Variants in OCA2 observed in about 807,000 individuals in gnomAD.
OCA2 encodes P protein.
A neutral mutation model predicts 100.2 loss-of-function variants in OCA2; 77 were observed. The observed-to-expected ratio is 0.77, with a 90% confidence interval of 0.64 to 0.93. OCA2 has a LOEUF of 0.93. OCA2 is among the 40% of genes least tolerant of loss of function. The probability of loss-of-function intolerance (pLI) is 0.00; values close to 1 mark genes in which losing one functional copy is unlikely to be tolerated. For missense variants in OCA2, 1,062 were observed against 1,089.1 expected (o/e 0.98, Z 0.35); for synonymous variants, 432 against 439.2 (o/e 0.98, Z 0.21).
chr15:27,980,063 C>G (rs928605115), intron 14 of OCA2, among the ~76,000 whole-genome samples: 2 of 151,540 alleles, frequency 1.3e-5, no homozygotes, highest in African/African-American at 4.9e-5. Flanking sequence ...TTATTGTTGT[C>G]ATCAATTCTA....
chr15:27,895,658 G>C (rs1161028031), intron 19 of OCA2: 1 of 177,564 alleles, frequency 5.6e-6, no homozygotes. Context: ...TTTCTAAGCA[G>C]GGCAGGTCTC....
the OCA2 span, among the ~76,000 whole-genome samples, chr15:27,730,422 T>G: frequency 6.6e-6 from 1 of 152,134 alleles, no homozygotes; most frequent in African/African-American, 2.4e-5. Flanking sequence ...GCATACCAAC[T>G]GGAAGGTCTG....
intron 19 of OCA2, among the ~76,000 whole-genome samples, chr15:27,910,935 A>C (rs2703933): frequency 3.3e-5 from 5 of 151,906 alleles, no homozygotes; most frequent in Admixed American, 2.6e-4. Context: ...CAGCCTGGGC[A>C]ACAGAGTGAG....
intron 21 of OCA2, among the ~76,000 whole-genome samples, chr15:27,863,994 A>C (rs1279758099): frequency 1.3e-5 from 2 of 152,028 alleles, no homozygotes; most frequent in African/African-American, 4.8e-5. Flanking sequence ...GGTGCCATGG[A>C]GCTGGGGTCT....
intron 19 of OCA2, 69 bp from the exon 20 acceptor site, chr15:27,871,991 T>C (rs765462068): frequency 1.5e-5 from 18 of 1,215,934 alleles, no homozygotes; most frequent in Non-Finnish European, 2.1e-5. Flanking sequence ...AAAAAAAAAG[T>C]CTTGAAAATG....
intron 23 of OCA2, among the ~76,000 whole-genome samples, chr15:27,794,816 T>C (rs2033256272): frequency 6.6e-6 from 1 of 152,224 alleles, no homozygotes; most frequent in South Asian, 2.1e-4. Context: ...TAAAAGGTCA[T>C]GTTTTGGAGG....
intron 23 of OCA2, among the ~76,000 whole-genome samples, chr15:27,838,790 A>T (rs1467839587): frequency 4.6e-5 from 7 of 152,234 alleles, no homozygotes; most frequent in Admixed American, 1.3e-4. Context: ...ATTAGGAAGC[A>T]AAGTGTCTTG....
intron 2 of OCA2, among the ~76,000 whole-genome samples, chr15:28,071,285 A>G (rs1277269535): frequency 6.6e-6 from 1 of 152,236 alleles, no homozygotes; most frequent in Non-Finnish European, 1.5e-5. Context: ...AAATAAATAG[A>G]AAAACATTTC....
intron 23 of OCA2, among the ~76,000 whole-genome samples, chr15:27,823,408 T>C (rs1229789617): frequency 2.6e-5 from 4 of 152,154 alleles, no homozygotes; most frequent in Non-Finnish European, 5.9e-5. Context: ...ATTATAGTGA[T>C]TATGTTATTT....
At chr15:28,094,634 G>T (rs569946000) in intron 1 of OCA2, among the ~76,000 whole-genome samples, 1 of 152,340 alleles carries the variant, frequency 6.6e-6, no homozygotes, top group South Asian at 2.1e-4. Context: ...CAAATCGTTC[G>T]TGTGGGCTAC....
At chr15:27,990,771 G>T (rs568158500) in intron 9 of OCA2, 124 bp from the exon 10 acceptor site, 21 of 851,382 alleles carry the variant, frequency 2.5e-5, no homozygotes, top group Non-Finnish European at 2.0e-6. Context: ...CAAATGATAA[G>T]TCATGGGTCT....
intron 2 of OCA2, among the ~76,000 whole-genome samples, chr15:28,033,307 G>A (rs2042960273): frequency 6.6e-6 from 1 of 152,236 alleles, no homozygotes; most frequent in African/African-American, 2.4e-5. Context: ...GCCAGGTAGA[G>A]ATGCTGTAGA....
chr15:27,844,489 T>G (rs1253947627), intron 23 of OCA2, among the ~76,000 whole-genome samples: 1 of 152,196 alleles, frequency 6.6e-6, no homozygotes, highest in Non-Finnish European at 1.5e-5. Context: ...TGAACCATCC[T>G]CTGTGTTATG....
chr15:27,906,082 G>T (rs2038165927), intron 19 of OCA2, among the ~76,000 whole-genome samples: 1 of 152,184 alleles, frequency 6.6e-6, no homozygotes, highest in Non-Finnish European at 1.5e-5. Flanking sequence ...AATAGGGTTA[G>T]TTAGAAGTAA....
chr15:28,080,919 T>C (rs1236989868), intron 2 of OCA2, among the ~76,000 whole-genome samples: 2 of 152,218 alleles, frequency 1.3e-5, no homozygotes, highest in Admixed American at 1.3e-4. Flanking sequence ...AAATTTTTTC[T>C]TAAGGAATGA....
intron 14 of OCA2, among the ~76,000 whole-genome samples, chr15:27,981,300 C>A (rs1183037835): frequency 6.6e-6 from 1 of 152,138 alleles, no homozygotes; most frequent in Non-Finnish European, 1.5e-5. Flanking sequence ...GCCTGTTCTA[C>A]GTTAGTTTCA....
intron 19 of OCA2, among the ~76,000 whole-genome samples, chr15:27,914,543 T>A (rs1448122336): frequency 1.3e-5 from 2 of 151,846 alleles, no homozygotes; most frequent in Non-Finnish European, 2.9e-5. Flanking sequence ...TGGCTGAAAA[T>A]CAGGAGCATT....
rs531670281 is a variant in OCA2, at chr15:27,898,513, A to G, written c.2080-26591T>C. Among the ~76,000 whole-genome samples, 326 of 152,344 alleles carry G rather than the reference A, an allele frequency of 2.1e-3. 2 individuals are homozygous for G. The highest frequency in any genetic ancestry group is 3.6e-3 in the Non-Finnish European group (247 of 68,032). On this transcript the variant is annotated intron_variant, in intron 19 of 23. Transcript: ENST00000354638. Reference sequence around the variant, plus strand: ...GACTTGCTTCTCCTCGTCTTTTGCCATGATTGTGAGGCCTCCCCAGACACA... The same window carrying G: ...GACTTGCTTCTCCTCGTCTTTTGCCGTGATTGTGAGGCCTCCCCAGACACA...
intron 1 of OCA2, among the ~76,000 whole-genome samples, chr15:28,096,207 ATGGCTTGTCTCCGGGGCG>A (rs2044978729): frequency 8.1e-6 from 1 of 123,090 alleles, no homozygotes; most frequent in African/African-American, 3.2e-5. Flanking sequence ...CTCTGGGGGC[ATGGCTTGTCTCCGGGGCG>A]TGGTTGTGTC....
Sources: allele counts gnomAD v4.1 joint callset (sites outside exome capture counted in the v4.1 genomes callset), GRCh38; gene constraint gnomAD v4.1.1; transcripts MANE v1.5; gene names NCBI Gene and HGNC (gene_info 2026-07-23, HGNC 2026-07-21).